The following LY96 variants were observed in gnomAD, a reference collection of about 807,000 sequenced individuals.
LY96 encodes the protein lymphocyte antigen 96.
LY96 carries 18 observed loss-of-function variants against 18.9 expected under a neutral mutation model. The ratio of observed to expected loss-of-function variants is 0.95; its 90% CI spans 0.66 to 1.41. LY96 has a LOEUF of 1.41. Ranked by LOEUF, LY96 falls within the 40% of genes most tolerant of loss-of-function variation. LY96 has a pLI of 0.00. For synonymous variants in LY96, 66 were observed against 62.6 expected, an observed-to-expected ratio of 1.06 and a Z score of -0.26; for missense variants, 175 against 182.4, an observed-to-expected ratio of 0.96 and a Z score of 0.23.
At chr8:74,056,961 G>A in the LY96 span, among the ~76,000 whole-genome samples, 9 of 152,280 alleles carry the variant, frequency 5.9e-5, no homozygotes, top group Middle Eastern at 6.8e-3. Context: ...ACTTGTTATG[G>A]CAGCGACAGA....
At chr8:74,054,945 T>G in the LY96 span, among the ~76,000 whole-genome samples, 1 of 151,832 alleles carries the variant, frequency 6.6e-6, no homozygotes, top group African/African-American at 2.4e-5. Context: ...CTCATTCTGT[T>G]GCCTAGGCTG....
chr8:74,041,264 T>C, the LY96 span, among the ~76,000 whole-genome samples: 1 of 152,236 alleles, frequency 6.6e-6, no homozygotes, highest in Non-Finnish European at 1.5e-5. Context: ...CTGTCTTTAA[T>C]CTCTTAATCC....
At chr8:74,060,298 T>C in the LY96 span, among the ~76,000 whole-genome samples, 1 of 152,182 alleles carries the variant, frequency 6.6e-6, no homozygotes, top group Non-Finnish European at 1.5e-5. Context: ...ATCCAGAAAA[T>C]GTTTTCTTAA....
At chr8:74,019,851 C>A (rs1250679425) in intron 3 of LY96, among the ~76,000 whole-genome samples, 3 of 152,108 alleles carry the variant, frequency 2.0e-5, no homozygotes, top group Admixed American at 2.0e-4. Context: ...GCAGAAAAGG[C>A]CTTCGACAAA....
At chr8:74,058,829 T>G in the LY96 span, among the ~76,000 whole-genome samples, 1 of 152,120 alleles carries the variant, frequency 6.6e-6, no homozygotes, top group Non-Finnish European at 1.5e-5. Context: ...TGAAAGAGAT[T>G]TATTATAAGA....
intron 2 of LY96, among the ~76,000 whole-genome samples, chr8:74,006,662 A>G (rs1816418935): frequency 6.6e-6 from 1 of 152,214 alleles, no homozygotes; most frequent in South Asian, 2.1e-4. Flanking sequence ...AGATAAAATA[A>G]ATAATCTAAA....
chr8:74,006,044 C>T (rs1816402990), intron 2 of LY96, among the ~76,000 whole-genome samples: 1 of 152,196 alleles, frequency 6.6e-6, no homozygotes. Context: ...TGATAGACAA[C>T]AAACTTGTGT....
intron 2 of LY96, among the ~76,000 whole-genome samples, chr8:74,005,423 T>C (rs1450127933): frequency 6.6e-6 from 1 of 152,220 alleles, no homozygotes; most frequent in African/African-American, 2.4e-5. Flanking sequence ...CCCATACTAC[T>C]GGGAGAGGAT....
chr8:73,993,299 C>G (rs1020273330), intron 1 of LY96, among the ~76,000 whole-genome samples: 1 of 151,994 alleles, frequency 6.6e-6, no homozygotes, highest in Non-Finnish European at 1.5e-5. Flanking sequence ...ATTTTTGAGA[C>G]AGGGTTTTGC....
the LY96 span, among the ~76,000 whole-genome samples, chr8:74,071,571 C>T: frequency 6.6e-6 from 1 of 152,112 alleles, no homozygotes; most frequent in Admixed American, 6.5e-5. Flanking sequence ...ACCACTTCTC[C>T]ACCCAAGACT....
intron 1 of LY96, among the ~76,000 whole-genome samples, chr8:73,995,217 A>G (rs753374625): frequency 6.6e-6 from 1 of 152,158 alleles, no homozygotes; most frequent in Non-Finnish European, 1.5e-5. Context: ...GCACCTTCAC[A>G]TGGAACTTAC....
chr8:74,027,206 C>T (rs1816888966), intron 4 of LY96, among the ~76,000 whole-genome samples: 1 of 151,954 alleles, frequency 6.6e-6, no homozygotes, highest in Non-Finnish European at 1.5e-5. Context: ...TCCCAAAGTG[C>T]TGGGATTACA....
At chr8:74,022,688 C>G (rs148777348) in intron 3 of LY96, among the ~76,000 whole-genome samples, 1 of 151,530 alleles carries the variant, frequency 6.6e-6, no homozygotes, top group East Asian at 2.0e-4. Context: ...AAAAGATTCT[C>G]CTGCCCCAGC....
At chr8:74,014,688 C>T (rs1046279412) in intron 3 of LY96, among the ~76,000 whole-genome samples, 1 of 151,882 alleles carries the variant, frequency 6.6e-6, no homozygotes, top group African/African-American at 2.4e-5. Context: ...AAGTACCATA[C>T]ATATCTATGT....
chr8:74,081,326 G>C, the LY96 span, among the ~76,000 whole-genome samples: 15 of 150,362 alleles, frequency 1.0e-4, no homozygotes, highest in Non-Finnish European at 1.5e-4. Context: ...TGTGATCATA[G>C]CTTGCTGCAG....
chr8:74,066,587 T>C, the LY96 span, among the ~76,000 whole-genome samples: 3 of 151,956 alleles, frequency 2.0e-5, no homozygotes, highest in Admixed American at 2.0e-4. Context: ...GCTGAAAAAA[T>C]AGGTAGAGTC....
chr8:74,091,860 C>T, the LY96 span, among the ~76,000 whole-genome samples: 2 of 152,304 alleles, frequency 1.3e-5, no homozygotes, highest in Admixed American at 1.3e-4. Flanking sequence ...CTCCCTCAAG[C>T]CTTCCTTGAA....
At chr8:74,094,837 C>T in the LY96 span, among the ~76,000 whole-genome samples, 18 of 152,186 alleles carry the variant, frequency 1.2e-4, 1 homozygote, top group South Asian at 6.2e-4. Context: ...AAAAAAGGAA[C>T]GATTCTGATG....
chr8:74,005,576 A>G (rs2131263807), intron 2 of LY96, among the ~76,000 whole-genome samples: 1 of 152,362 alleles, frequency 6.6e-6, no homozygotes. Flanking sequence ...CAGGACTTCA[A>G]TATTTTTTAA....
Sources: gnomAD v4.1 joint callset for allele counts (sites outside exome capture counted in the v4.1 genomes callset) on GRCh38, gnomAD v4.1.1 for gene constraint, MANE v1.5 for transcripts, NCBI Gene and HGNC (gene_info 2026-07-23, HGNC 2026-07-21) for gene names.